Variants in CAPN7 observed in about 807,000 individuals in gnomAD.
The protein encoded by CAPN7 is calpain-7.
Under a neutral mutation model 115.2 loss-of-function variants are expected in CAPN7, and 72 were observed. That is an observed-to-expected ratio of 0.63 (90% CI 0.52 to 0.76). The LOEUF (loss-of-function observed/expected upper bound fraction) is 0.76. CAPN7 is among the 30% of genes least tolerant of loss of function. The probability of loss-of-function intolerance (pLI) is 0.00; values close to 1 mark genes in which losing one functional copy is unlikely to be tolerated. For missense variants in CAPN7, 905 were observed against 971.5 expected, an observed-to-expected ratio of 0.93 and a Z score of 0.91; for synonymous variants, 344 against 322.3, an observed-to-expected ratio of 1.07 and a Z score of -0.72.
Position 15,246,806 on chromosome 3 carries a change from C to A in CAPN7, c.2073+12C>A. 1 of 1,574,266 alleles carries A rather than the reference C, an allele frequency of 6.4e-7. No individual in the cohort carries two copies. On this transcript the variant is annotated intron_variant, in intron 18 of 20. Transcript: ENST00000253693. ...CCTTATCAAAACGGGTGAGAAAATT[C>A]ATTTGGTTGTAATCTCAGCATTCTT...
At chr3:15,241,220 TA>T (rs1382305096) in intron 14 of CAPN7, among the ~76,000 whole-genome samples, 1 of 152,070 alleles carries the variant, frequency 6.6e-6, no homozygotes, top group Non-Finnish European at 1.5e-5. Context: ...AATAAATAAA[TA>T]ACGGAATGGT....
intron 4 of CAPN7, 45 bp from the exon 5 acceptor site, chr3:15,220,736 G>A: frequency 6.4e-7 from 1 of 1,572,300 alleles, no homozygotes; most frequent in Non-Finnish European, 8.7e-7. Flanking sequence ...AAGCTTAAAT[G>A]TGAGTAGAAA....
Position 15,206,391 on chromosome 3 carries a change from T to G in CAPN7, c.-105T>G. On this transcript the variant is annotated 5_prime_UTR_variant, in exon 1 of 21. Transcript: ENST00000253693. ...GTCCAAAGTAAACTTTGCCGCTCCT[T>G]CCGCGGCGCTCCCGAGTCCTCGCCG... The G allele has an allele frequency of 1.3e-6, 1 of 792,474 alleles. No homozygotes were observed. Among genetic ancestry groups the G allele is most frequent in the Non-Finnish European group, 2.0e-6 (1 of 494,070 alleles). The allele number at this position is 792,474 out of a possible 1,614,324, so 49.1% of individuals were successfully genotyped here.
At chr3:15,247,173 C>G (rs1695711743) in intron 18 of CAPN7, 154 bp from the exon 19 acceptor site, 4 of 598,300 alleles carry the variant, frequency 6.7e-6, no homozygotes, top group Middle Eastern at 4.5e-4. Context: ...GCAAAGCAGC[C>G]TGGCTGTCAG....
intron 19 of CAPN7, 22 bp from the exon 20 acceptor site, chr3:15,250,908 AT>A: frequency 1.4e-6 from 2 of 1,466,556 alleles, no homozygotes; most frequent in Non-Finnish European, 1.9e-6. Flanking sequence ...TAATACAGTA[AT>A]TCTGTTCATT....
intron 2 of CAPN7, 29 bp from the exon 3 acceptor site, chr3:15,217,393 ACTC>A (rs1559388030): frequency 8.5e-6 from 13 of 1,523,664 alleles, no homozygotes; most frequent in South Asian, 1.3e-5. Context: ...TTTAGATAAT[ACTC>A]CTTCTGCGTA....
chr3:15,238,856 T>TTTTA (rs1695169089), intron 12 of CAPN7, among the ~76,000 whole-genome samples: 1 of 148,154 alleles, frequency 6.7e-6, no homozygotes, highest in African/African-American at 2.5e-5. Flanking sequence ...CAAATTTTTT[T>TTTTA]TTTTTTTTTT....
chr3:15,206,980 A>G (rs1470229418), intron 1 of CAPN7, among the ~76,000 whole-genome samples: 1 of 152,256 alleles, frequency 6.6e-6, no homozygotes, highest in East Asian at 1.9e-4. Flanking sequence ...ATGCTCGTTA[A>G]ATAAACTTAA....
At chr3:15,225,829 A>G (rs1245199659) in intron 6 of CAPN7, among the ~76,000 whole-genome samples, 3 of 152,214 alleles carry the variant, frequency 2.0e-5, no homozygotes, top group Non-Finnish European at 2.9e-5. Flanking sequence ...AATAAATACT[A>G]AAGTTACTAT....
At chr3:15,245,405 AT>A in intron 16 of CAPN7, 120 bp from the exon 17 acceptor site, 7 of 842,712 alleles carry the variant, frequency 8.3e-6, no homozygotes, top group Non-Finnish European at 1.3e-5. Flanking sequence ...TAATATCATT[AT>A]ATTTTAAGGA....
chr3:15,236,529 G>A (rs1054822672), intron 12 of CAPN7, among the ~76,000 whole-genome samples: 8 of 152,194 alleles, frequency 5.3e-5, no homozygotes, highest in Admixed American at 1.3e-4. Flanking sequence ...CTTATGTGTG[G>A]CACATGGATT....
At chr3:15,227,158 C>G (rs539488010) in intron 6 of CAPN7, among the ~76,000 whole-genome samples, 1 of 151,382 alleles carries the variant, frequency 6.6e-6, no homozygotes, top group South Asian at 2.1e-4. Context: ...GTAGATGTTT[C>G]CCCTTGGTGT....
intron 17 of CAPN7, chr3:15,246,349 T>C (rs746674372): frequency 2.8e-5 from 5 of 176,706 alleles, no homozygotes; most frequent in Non-Finnish European, 4.7e-5. Flanking sequence ...CCTAGAAATG[T>C]ACTGCTCTCA....
At chr3:15,225,478 G>T (rs1340268487) in intron 6 of CAPN7, among the ~76,000 whole-genome samples, 3 of 152,146 alleles carry the variant, frequency 2.0e-5, no homozygotes, top group Non-Finnish European at 4.4e-5. Flanking sequence ...ACGACACAGT[G>T]TCCATAAGAA....
Position 15,241,445 on chromosome 3 carries a change from T to C in CAPN7, c.1653-8T>C. On this transcript the variant is annotated splice_region_variant and splice_polypyrimidine_tract_variant and intron_variant, in intron 14 of 20. Coordinates refer to ENST00000253693, the MANE Select transcript of CAPN7 (RefSeq NM_014296.3). ...ATTACAACCTTCTTTGTTGACTTTA[T>C]CTTTTAGTACTTGGGATGCTAAGCA... The C allele has an allele frequency of 6.2e-7, 1 of 1,611,856 alleles. No homozygotes were observed. Among genetic ancestry groups the C allele is most frequent in the Non-Finnish European group, 8.5e-7 (1 of 1,178,948 alleles).
chr3:15,212,247 T>G, intron 2 of CAPN7, 35 bp downstream of exon 2: 1 of 1,207,734 alleles, frequency 8.3e-7, no homozygotes, highest in Non-Finnish European at 1.2e-6. Context: ...TCACTCTATT[T>G]TTTCTTTTCT....
chr3:15,208,069 A>C (rs992667011), intron 1 of CAPN7, among the ~76,000 whole-genome samples: 1 of 152,222 alleles, frequency 6.6e-6, no homozygotes, highest in African/African-American at 2.4e-5. Flanking sequence ...TATGATGGCT[A>C]TGACATGACC....
intron 2 of CAPN7, among the ~76,000 whole-genome samples, chr3:15,213,708 T>C (rs1232624088): frequency 1.3e-5 from 2 of 152,160 alleles, no homozygotes; most frequent in African/African-American, 2.4e-5. Context: ...TCTAAGGAAT[T>C]TTAAAAATTA....
rs1559402535 is a variant in CAPN7, at chr3:15,233,899, A to ACGTAT, written c.1213_1214insGTATC (p.Pro405ArgfsTer41). The ACGTAT allele has an allele frequency of 1.7e-5, 28 of 1,606,184 alleles. No homozygotes were observed. The highest frequency in any genetic ancestry group is 2.2e-5 in the Non-Finnish European group (26 of 1,173,752). ...ATCTTCATGCACTGACTGGCTGGAT[A>ACGTAT]CCAGAAAGAATTGCTATGCATTCAG... On this transcript the variant is annotated frameshift_variant, in exon 11 of 21. Transcript: ENST00000253693. LOFTEE classifies it high-confidence loss of function.
Sources: gnomAD v4.1 joint callset for allele counts (sites outside exome capture counted in the v4.1 genomes callset) on GRCh38, gnomAD v4.1.1 for gene constraint, MANE v1.5 for transcripts, NCBI Gene and HGNC (gene_info 2026-07-23, HGNC 2026-07-21) for gene names.